Variants in DMPK observed in about 807,000 individuals in gnomAD.
DMPK encodes the protein myotonin-protein kinase.
Under a neutral mutation model 70.3 loss-of-function variants are expected in DMPK, and 32 were observed. That is an observed-to-expected ratio of 0.46 (90% CI 0.34 to 0.61). The LOEUF (loss-of-function observed/expected upper bound fraction) is 0.61, where lower values mean the gene tolerates loss of function less well. Ranked by LOEUF, DMPK falls within the 20% of genes least tolerant of loss-of-function variation. DMPK has a pLI of 0.01. For missense variants in DMPK, 899 were observed against 886.0 expected (o/e 1.01, Z -0.19); for synonymous variants, 469 against 390.9 (o/e 1.20, Z -2.36).
chr19:45,770,268 T>TGCAGCAGCAGCAGCAGCAGCAGCAGCAGC lies in DMPK; in HGVS notation c.*219_*220insGCTGCTGCTGCTGCTGCTGCTGCTGCTGC, dbSNP rs1969296995. 1 of 590,154 alleles carries TGCAGCAGCAGCAGCAGCAGCAGCAGCAGC rather than the reference T, an allele frequency of 1.7e-6. No homozygotes were observed. 36.6% of individuals were successfully genotyped at this position (590,154 alleles called of 1,614,324 possible). On this transcript the variant is annotated 3_prime_UTR_variant, in exon 15 of 15. Transcript: ENST00000291270. ...GCAGCAGCAGCAGCAGCAGCAGCAT[T>TGCAGCAGCAGCAGCAGCAGCAGCAGCAGC]CCCGGCTACAAGGACCCTTCGAGCC...
At position 45,771,478 on chromosome 19, in the gene DMPK, T is replaced by TC. The variant is rs1282001533; in HGVS notation, c.1601-83dup. The TC allele has an allele frequency of 1.6e-5, 25 of 1,609,640 alleles. 1 individual carries two copies. In the South Asian group the frequency reaches 2.0e-4, roughly 13 times the overall value. On this transcript the variant is annotated intron_variant, in intron 12 of 14. Transcript: ENST00000291270. ...GCGGCGTGCCCCAGCGTGGGTCCCT[T>TC]CCCTCCTCCAGGTGTCTATACACGC...
Position 45,770,468 on chromosome 19 carries a change from G to C in DMPK, c.*20C>G. On this transcript the variant is annotated 3_prime_UTR_variant, in exon 15 of 15. Transcript: ENST00000291270. ...CTCAGTCTTCCAACGGGGCCCCGGAGTCGAAGACAGTTCTAGGGTTCAGGG... is the reference window on the plus strand; with the variant it reads ...CTCAGTCTTCCAACGGGGCCCCGGACTCGAAGACAGTTCTAGGGTTCAGGG... 11 of 1,549,672 alleles carry C rather than the reference G, an allele frequency of 7.1e-6. No individual in the cohort carries two copies. The highest frequency in any genetic ancestry group is 9.6e-6 in the Non-Finnish European group (11 of 1,146,760).
chr19:45,777,495 G>A lies in DMPK; in HGVS notation c.978C>T (p.Gly326=), dbSNP rs766547162. 2 of 1,613,412 alleles carry A rather than the reference G, an allele frequency of 1.2e-6. No individual in the cohort carries two copies. Among genetic ancestry groups the A allele is most frequent in the Non-Finnish European group, 8.5e-7 (1 of 1,180,020 alleles). The part of the protein sequence containing the change: ...RLLCPPETRL[G]RGGAGDFRTH... ...TCCGGAAGTCGCCTGCTCCACCCCGGCCCAGCCGTGTCTCCGGGGGACACA... is the reference window on the plus strand; with the variant it reads ...TCCGGAAGTCGCCTGCTCCACCCCGACCCAGCCGTGTCTCCGGGGGACACA... The change falls in exon 8 of 15, where the codon GGC becomes GGT. Residue 326 remains glycine, a synonymous_variant. Coordinates refer to ENST00000291270, the MANE Select transcript of DMPK (RefSeq NM_004409.5). The surrounding 1 kb of genome is among the most constrained non-coding windows in gnomAD (Gnocchi z 6.7).
intron 14 of DMPK, 132 bp from the exon 15 acceptor site, chr19:45,770,772 T>C (rs1337310767): frequency 1.6e-5 from 18 of 1,141,696 alleles, no homozygotes; most frequent in Non-Finnish European, 1.7e-5. Context: ...CCTACAGCTG[T>C]TGTTAGTCCA....
At position 45,771,617 on chromosome 19, in the gene DMPK, G is replaced by T; in HGVS notation, c.1551C>A (p.Val517=). ...EARNRDLEAH[V]RQLQERMELL... ...ACTCCATCCGCTCCTGCAACTGCCG[G>T]ACGTGTGCCTCTAGGTCCCGGTTCC... Residue 517 remains valine, a synonymous_variant, in exon 12 of 15, where the codon GTC becomes GTA. Coordinates refer to ENST00000291270, the MANE Select transcript of DMPK (RefSeq NM_004409.5). 1 of 1,614,052 alleles carries T rather than the reference G, an allele frequency of 6.2e-7. No individual in the cohort carries two copies. Among genetic ancestry groups the T allele is most frequent in the Non-Finnish European group, 8.5e-7 (1 of 1,179,956 alleles).
chr19:45,780,474 G>A (rs1361485249), intron 1 of DMPK: 1 of 1,216,770 alleles, frequency 8.2e-7, no homozygotes, highest in East Asian at 5.5e-5. Context: ...CAGTCCTCCA[G>A]GAGGAGTGCT....
Position 45,771,075 on chromosome 19 carries a change from G to C in DMPK, c.1648-15C>G, listed in dbSNP as rs937735649. On this transcript the variant is annotated splice_polypyrimidine_tract_variant and intron_variant, in intron 13 of 14. Coordinates refer to ENST00000291270, the MANE Select transcript of DMPK (RefSeq NM_004409.5). The stretch of plus-strand genomic sequence containing the variant: ...GGGCCATCTAGCTGGAGAGAGAAGG[G>C]ACAGGTGACCCGATCGGAGCCCAGC... 5.8e-5 allele frequency: 88 copies of C among 1,524,170 alleles called. No individual in the cohort carries two copies. Among genetic ancestry groups the C allele is most frequent in the Non-Finnish European group, 6.8e-5 (77 of 1,134,232 alleles). 94.4% of individuals were successfully genotyped at this position (1,524,170 alleles called of 1,614,324 possible). A position where few individuals can be genotyped will look rare whatever the true frequency, so the allele number is the denominator to read the frequency against.
rs1432407692 is a variant in DMPK, at chr19:45,777,453, AAAG to A, written c.1017_1019del (p.Phe340del). 7.4e-6 allele frequency: 12 copies of A among 1,613,502 alleles called. No individual in the cohort carries two copies. Among genetic ancestry groups the A allele is most frequent in the South Asian group, 1.1e-5 (1 of 91,086 alleles). On this transcript the variant is annotated inframe_deletion, in exon 8 of 15. Transcript: ENST00000291270. This position sits in a 1 kb window ranked among gnomAD's most constrained non-coding sequence, Gnocchi z 6.7. ...CCCGGAGACCATCCCAGTCGAGGCC[AAAG>A]AAGAAGGGATGTGTCCGGAAGTCGC...
rs554967270 is a variant in DMPK at position 45,777,637 on chromosome 19, G to A, written c.882+30C>T. On this transcript the variant is annotated intron_variant, in intron 7 of 14. Coordinates refer to ENST00000291270, the MANE Select transcript of DMPK (RefSeq NM_004409.5). The surrounding 1 kb of genome is among the most constrained non-coding windows in gnomAD (Gnocchi z 6.7). ...GATAGCCTGGGAGCGCCTACCGGGA[G>A]AGGCCAGGTCTCCCTGCGGCCGTGC... The A allele has an allele frequency of 1.9e-6, 3 of 1,613,604 alleles. No homozygotes were observed. The African/African-American group carries it at 4.0e-5, about 21-fold the overall frequency.
Position 45,769,925 on chromosome 19 carries a change from CGAGAGCAGCGCAAGT to C in DMPK, c.*548_*562del, listed in dbSNP as rs1969224753. ...AAGCGGGCGGAGCCGGCTGGGGCTC[CGAGAGCAGCGCAAGT>C]GAGGAGGGGGGCGCGGGATCCCCGA... On this transcript the variant is annotated 3_prime_UTR_variant, in exon 15 of 15. Coordinates refer to ENST00000291270, the MANE Select transcript of DMPK (RefSeq NM_004409.5). The C allele has an allele frequency of 1.4e-5, 4 of 289,760 alleles. No homozygotes were observed. The South Asian group carries it at 1.5e-4, about 11-fold the overall frequency. 17.9% of individuals were successfully genotyped at this position (289,760 alleles called of 1,614,324 possible).
chr19:45,778,860 G>T, intron 4 of DMPK: 2 of 558,142 alleles, frequency 3.6e-6, no homozygotes, highest in Non-Finnish European at 6.2e-6. Flanking sequence ...AACTTTCCTG[G>T]GATGTCACTG....
chr19:45,779,466 G>C lies in DMPK; in HGVS notation c.309C>G (p.Asn103Lys). ...TGQVYAMKIM[N>K]KWDMLKRGEV... is the part of the protein sequence containing the mutation. ...CGCCCCTCTTCAGCATGTCCCACTT[G>C]TTCATGATCTTCATGGCATACACCT... The change falls in exon 3 of 15, where the codon AAC (asparagine) becomes AAG (lysine). Residue 103 changes from asparagine (N) to lysine (K), a missense_variant. Physicochemically the swap from Asn to Lys is moderately conservative, Grantham distance 94. Around this residue, in one of 3 missense-constraint regions of DMPK, gnomAD observed 149 missense variants for 142.5 expected, o/e 1.05. Transcript: ENST00000291270. The C allele has an allele frequency of 6.2e-7, 1 of 1,613,914 alleles. No homozygotes were observed. Among genetic ancestry groups the C allele is most frequent in the Non-Finnish European group, 8.5e-7 (1 of 1,179,998 alleles).
rs757806074 is a variant in DMPK, at chr19:45,771,404, G to C, written c.1601-8C>G. 6.2e-7 allele frequency: 1 copy of C among 1,608,688 alleles called. No homozygotes were observed. The highest frequency in any genetic ancestry group is 1.1e-5 in the South Asian group (1 of 90,776). On this transcript the variant is annotated splice_region_variant and splice_polypyrimidine_tract_variant and intron_variant, in intron 12 of 14. Transcript: ENST00000291270. Reference sequence around the variant, plus strand: ...TGGGGACCCCCGTGACAGCTGGAAGGAGAAGAAAGAGGCATAGGGCGCGTG... The same window carrying C: ...TGGGGACCCCCGTGACAGCTGGAAGCAGAAGAAAGAGGCATAGGGCGCGTG...
rs766021138 is a variant in DMPK at position 45,771,631 on chromosome 19, G to A, written c.1537C>T (p.Leu513=). 2.5e-6 allele frequency: 4 copies of A among 1,613,898 alleles called. No homozygotes were observed. The African/African-American group carries it at 4.0e-5, about 16-fold the overall frequency. The change falls in exon 12 of 15, where the codon CTA becomes TTA. Residue 513 remains leucine (L), a synonymous_variant. Transcript: ENST00000291270. ...TGCAACTGCCGGACGTGTGCCTCTA[G>A]GTCCCGGTTCCGAGCCTCTGCCTCG... is the stretch of plus-strand genomic sequence containing the variant. ...LREAEARNRD[L]EAHVRQLQER...
In DMPK at chr19:45,782,419, G is replaced by T. The variant is rs79058930; in HGVS notation, c.-67C>A. 6.9e-7 allele frequency: 1 copy of T among 1,456,782 alleles called. No homozygotes were observed. Among genetic ancestry groups the T allele is most frequent in the Admixed American group, 2.6e-5 (1 of 38,428 alleles). 90.2% of individuals were successfully genotyped at this position (1,456,782 alleles called of 1,614,324 possible). On this transcript the variant is annotated 5_prime_UTR_variant, in exon 1 of 15. Coordinates refer to ENST00000291270, the MANE Select transcript of DMPK (RefSeq NM_004409.5). ...TCGGGGTCCTCCTGTCACAGGGCCT[G>T]GCAGCCCCTGTCCAGGCCCTGGAGC... is the stretch of plus-strand genomic sequence containing the variant.
intron 2 of DMPK, 63 bp downstream of exon 2, chr19:45,779,715 C>T (rs1970009134): frequency 2.6e-6 from 4 of 1,531,488 alleles, no homozygotes; most frequent in Non-Finnish European, 3.5e-6. Flanking sequence ...TCTAAGGCCC[C>T]GCCCCAACCC....
At chr19:45,778,304 C>A in intron 5 of DMPK, 84 bp from the exon 6 acceptor site, 3 of 1,422,712 alleles carry the variant, frequency 2.1e-6, no homozygotes, top group Non-Finnish European at 2.9e-6. Context: ...GGCAGTGCCA[C>A]CTGGGACCCC....
At chr19:45,778,005 C>A in intron 6 of DMPK, 122 bp downstream of exon 6, 1 of 1,203,396 alleles carries the variant, frequency 8.3e-7, no homozygotes, top group Non-Finnish European at 1.2e-6. Context: ...CACACAGATG[C>A]ACACTTAAGC....
Position 45,772,759 on chromosome 19 carries a change from AGAG to A in DMPK, c.1233-10_1233-8del, listed in dbSNP as rs761086754. The stretch of plus-strand genomic sequence containing the variant: ...GCCTGGGACCTCACTGTCCCTGGGG[AGAG>A]GAGGAGGGAGTGGGGAGGGAGACAG... On this transcript the variant is annotated splice_polypyrimidine_tract_variant and splice_region_variant and intron_variant, in intron 9 of 14. Transcript: ENST00000291270. 32 of 1,451,428 alleles carry A rather than the reference AGAG, an allele frequency of 2.2e-5. No homozygotes were observed. Among genetic ancestry groups the A allele is most frequent in the Admixed American group, 5.9e-5 (2 of 34,076 alleles). The allele number at this position is 1,451,428 out of a possible 1,614,324, so 89.9% of individuals were successfully genotyped here.
Sources: gnomAD v4.1 joint callset for allele counts on GRCh38, gnomAD v4.1.1 for gene constraint, gnomAD v4.1.1 regional missense constraint, Gnocchi (gnomAD v3.1) non-coding constraint, MANE v1.5 for transcripts, NCBI Gene and HGNC (gene_info 2026-07-23, HGNC 2026-07-21) for gene names.